The following XPR1 variants were observed in gnomAD, a reference collection of about 807,000 sequenced individuals.
XPR1 encodes the protein solute carrier family 53 member 1.
A neutral mutation model predicts 87.5 loss-of-function variants in XPR1; 28 were observed. The observed-to-expected ratio is 0.32, with a 90% CI of 0.24 to 0.44. The LOEUF (loss-of-function observed/expected upper bound fraction) is 0.44, where lower values mean the gene tolerates loss of function less well. Ranked by LOEUF, XPR1 falls within the 20% of genes least tolerant of loss-of-function variation. XPR1 has a pLI of 1.00. For synonymous variants in XPR1, 300 were observed against 306.1 expected, an observed-to-expected ratio of 0.98 and a Z score of 0.21; for missense variants, 559 against 862.3, an observed-to-expected ratio of 0.65 and a Z score of 4.41.
At chr1:180,669,836 A>G (rs1214915975) in intron 1 of XPR1, among the ~76,000 whole-genome samples, 1 of 152,138 alleles carries the variant, frequency 6.6e-6, no homozygotes, top group African/African-American at 2.4e-5. Flanking sequence ...AATAATAACT[A>G]ATAATAATAT....
intron 9 of XPR1, among the ~76,000 whole-genome samples, chr1:180,829,434 G>A (rs1260936410): frequency 1.3e-5 from 2 of 152,158 alleles, no homozygotes; most frequent in Non-Finnish European, 2.9e-5. Flanking sequence ...TTCTCTCCCA[G>A]AAGGCGATAT....
chr1:180,861,235 A>G (rs372174032), intron 11 of XPR1, among the ~76,000 whole-genome samples: 117 of 152,234 alleles, frequency 7.7e-4, no homozygotes, highest in African/African-American at 2.7e-3. Context: ...CCTGGCACAT[A>G]CCTTACATTC....
At chr1:180,732,312 GA>G (rs1658583250) in intron 2 of XPR1, among the ~76,000 whole-genome samples, 1 of 151,572 alleles carries the variant, frequency 6.6e-6, no homozygotes, top group Admixed American at 6.6e-5. Flanking sequence ...CTTTTACTAT[GA>G]ATTTGATACA....
intron 3 of XPR1, among the ~76,000 whole-genome samples, chr1:180,788,254 A>C (rs1649252401): frequency 6.6e-6 from 1 of 152,120 alleles, no homozygotes; most frequent in Admixed American, 6.5e-5. Flanking sequence ...TATTTCTCTA[A>C]AGCACTGGCC....
chr1:180,692,056 T>G (rs1242238866), intron 2 of XPR1, among the ~76,000 whole-genome samples: 2 of 152,222 alleles, frequency 1.3e-5, no homozygotes, highest in Non-Finnish European at 2.9e-5. Context: ...AAAAATTATT[T>G]ACATGACTTT....
intron 1 of XPR1, among the ~76,000 whole-genome samples, chr1:180,644,785 G>A (rs957246635): frequency 4.6e-5 from 7 of 151,894 alleles, no homozygotes; most frequent in African/African-American, 1.2e-4. Context: ...AGCGTGTTAC[G>A]TTTATTGTGC....
At chr1:180,646,115 C>A (rs1249152976) in intron 1 of XPR1, among the ~76,000 whole-genome samples, 1 of 152,216 alleles carries the variant, frequency 6.6e-6, no homozygotes, top group Admixed American at 6.5e-5. Context: ...CCACGGTTCC[C>A]ATTAATGCTA....
intron 2 of XPR1, among the ~76,000 whole-genome samples, chr1:180,761,565 A>G: frequency 6.6e-6 from 1 of 152,236 alleles, no homozygotes; most frequent in East Asian, 1.9e-4. Flanking sequence ...TCAAAACCAC[A>G]ATGAGATACC....
At chr1:180,695,579 TCTTC>T (rs1288002381) in intron 2 of XPR1, among the ~76,000 whole-genome samples, 2 of 152,182 alleles carry the variant, frequency 1.3e-5, no homozygotes, top group Non-Finnish European at 2.9e-5. Context: ...TACATTTAAG[TCTTC>T]TGTCCATTTT....
intron 3 of XPR1, among the ~76,000 whole-genome samples, chr1:180,789,160 A>AG (rs1266517084): frequency 6.6e-6 from 1 of 152,212 alleles, no homozygotes; most frequent in Non-Finnish European, 1.5e-5. Context: ...TTCTATAAAA[A>AG]TGAATCTTCT....
At chr1:180,714,877 A>G (rs1657935612) in intron 2 of XPR1, among the ~76,000 whole-genome samples, 1 of 151,740 alleles carries the variant, frequency 6.6e-6, no homozygotes, top group East Asian at 1.9e-4. Context: ...GAATGCTGAT[A>G]TACAGTAGTA....
At chr1:180,820,475 G>A (rs571799250) in intron 7 of XPR1, among the ~76,000 whole-genome samples, 1 of 152,268 alleles carries the variant, frequency 6.6e-6, no homozygotes, top group Non-Finnish European at 1.5e-5. Context: ...TTATGGCTGA[G>A]TAATATTCCA....
intron 2 of XPR1, among the ~76,000 whole-genome samples, chr1:180,704,880 A>G (rs1191393047): frequency 7.3e-6 from 1 of 137,360 alleles, no homozygotes; most frequent in Non-Finnish European, 1.5e-5. Flanking sequence ...TAGACACCAC[A>G]TACTGGACAC....
intron 2 of XPR1, among the ~76,000 whole-genome samples, chr1:180,703,115 G>A (rs1657409372): frequency 6.6e-6 from 1 of 152,146 alleles, no homozygotes; most frequent in Non-Finnish European, 1.5e-5. Context: ...AAGGCTGTTT[G>A]AGGCTTTGCT....
chr1:180,760,066 C>G (rs1463176270), intron 2 of XPR1, among the ~76,000 whole-genome samples: 1 of 152,136 alleles, frequency 6.6e-6, no homozygotes, highest in African/African-American at 2.4e-5. Flanking sequence ...TTCAGCAACC[C>G]TTCATGCTAA....
intron 13 of XPR1, 93 bp downstream of exon 13, chr1:180,874,035 G>A: frequency 7.4e-7 from 1 of 1,356,964 alleles, no homozygotes; most frequent in Non-Finnish European, 9.8e-7. Flanking sequence ...ACTTGTACTT[G>A]AAAACCTTTA....
At chr1:180,879,849 C>G (rs1329713093) in intron 13 of XPR1, among the ~76,000 whole-genome samples, 1 of 152,204 alleles carries the variant, frequency 6.6e-6, no homozygotes, top group Non-Finnish European at 1.5e-5. Flanking sequence ...AATGAGCACT[C>G]TAAAACTGCA....
At chr1:180,823,881 A>T (rs1256988436) in intron 7 of XPR1, among the ~76,000 whole-genome samples, 1 of 152,236 alleles carries the variant, frequency 6.6e-6, no homozygotes, top group African/African-American at 2.4e-5. Flanking sequence ...TAAATGAATT[A>T]CCAATTATTC....
At chr1:180,794,697 G>A (rs543958641) in intron 3 of XPR1, among the ~76,000 whole-genome samples, 1 of 152,270 alleles carries the variant, frequency 6.6e-6, no homozygotes, top group African/African-American at 2.4e-5. Context: ...GCTCTTAAGG[G>A]AGGTTGTTTG....
Sources: allele counts gnomAD v4.1 joint callset (sites outside exome capture counted in the v4.1 genomes callset), GRCh38; gene constraint gnomAD v4.1.1; transcripts MANE v1.5; gene names NCBI Gene and HGNC (gene_info 2026-07-23, HGNC 2026-07-21).